Variants in HEXB observed in about 807,000 individuals in gnomAD.
HEXB encodes beta-hexosaminidase subunit beta.
Under a neutral mutation model 71.2 loss-of-function variants are expected in HEXB, and 51 were observed. The ratio of observed to expected loss-of-function variants is 0.72; its 90% CI spans 0.57 to 0.90. The LOEUF is 0.90. Ranked by LOEUF, HEXB falls within the 40% of genes least tolerant of loss-of-function variation. The probability of loss-of-function intolerance (pLI) is 0.00; values close to 1 mark genes in which losing one functional copy is unlikely to be tolerated. For missense variants in HEXB, 617 were observed against 677.0 expected, an observed-to-expected ratio of 0.91 and a Z score of 0.98; for synonymous variants, 266 against 249.3, an observed-to-expected ratio of 1.07 and a Z score of -0.63.
chr5:74,685,058 G>A (rs1748823195), upstream of HEXB: 1 of 555,542 alleles, frequency 1.8e-6, no homozygotes, highest in Non-Finnish European at 3.1e-6. Flanking sequence ...GGGCACCCCT[G>A]GAGGAAATTC....
chr5:74,643,318 C>T (rs1222599006), intron 1 of HEXB, among the ~76,000 whole-genome samples: 1 of 152,222 alleles, frequency 6.6e-6, no homozygotes, highest in Non-Finnish European at 1.5e-5. Flanking sequence ...TCACCCCACT[C>T]ACACAAAGAA....
chr5:74,683,113 T>C (rs1256599914), upstream of HEXB, among the ~76,000 whole-genome samples: 1 of 152,184 alleles, frequency 6.6e-6, no homozygotes, highest in Non-Finnish European at 1.5e-5. Flanking sequence ...TTGGCCTCTC[T>C]GTGTGGTATT....
rs760800468 is a variant in HEXB at position 74,715,641 on chromosome 5, C to A, written c.1033C>A (p.Pro345Thr). 6.2e-7 allele frequency: 1 copy of A among 1,610,166 alleles called. No homozygotes were observed. The highest frequency in any genetic ancestry group is 8.5e-7 in the Non-Finnish European group (1 of 1,176,792). The change falls in exon 8 of 14, where the codon CCA (proline) becomes ACA (threonine). Residue 345 changes from proline to threonine, a missense_variant. Coordinates refer to ENST00000261416, the MANE Select transcript of HEXB (RefSeq NM_000521.4). ...TTTCAAAGAAATTAGTGAGGTGTTT[C>A]CAGATCAATTCATTCATTTGGGAGG... ...TFFKEISEVF[P>T]DQFIHLGGDE...
At chr5:74,666,127 A>G (rs1175951061) in intron 1 of HEXB, among the ~76,000 whole-genome samples, 1 of 152,240 alleles carries the variant, frequency 6.6e-6, no homozygotes, top group African/African-American at 2.4e-5. Flanking sequence ...GTTGAAACTG[A>G]TGATTGAAGC....
chr5:74,708,554 G>A lies in HEXB; in HGVS notation c.771+3234G>A, dbSNP rs951326480. On this transcript the variant is annotated intron_variant, in intron 6 of 13. Transcript: ENST00000261416. The stretch of plus-strand genomic sequence containing the variant: ...TTGGATTCAGGAAACCCATCTCACG[G>A]GCAGAGACACACATAGGCTCGATAT... 2.6e-5 allele frequency among the ~76,000 whole-genome samples: 4 copies of A among 152,012 alleles called. No homozygotes were observed. The East Asian group carries it at 7.7e-4, about 29-fold the overall frequency.
rs1034201280 is a variant in HEXB, at chr5:74,713,356, T to A, written c.772-150T>A. 4.1e-6 allele frequency: 3 copies of A among 732,084 alleles called. No individual in the cohort carries two copies. The African/African-American group carries it at 5.3e-5, about 13-fold the overall frequency. 45.3% of individuals were successfully genotyped at this position (732,084 alleles called of 1,614,324 possible). ...TGAAACTATGGCACTATATTATTTT[T>A]AAATGAGTCATCTAATATCACATGA... On this transcript the variant is annotated intron_variant, in intron 6 of 13. Coordinates refer to ENST00000261416, the MANE Select transcript of HEXB (RefSeq NM_000521.4).
chr5:74,720,716 A>T lies in HEXB; in HGVS notation c.1582A>T (p.Arg528Ter). ...DVRDMDDAYD[R>*]LTRHRCRMVE... ...CAGAGATATGGATGACGCCTATGAC[A>T]GACTGACAAGGCACCGCTGCAGGAT... Residue 528 changes from arginine (R) to a stop codon, truncating the protein, a stop_gained, in exon 13 of 14, where the codon AGA (arginine) becomes TGA (stop). Coordinates refer to ENST00000261416, the MANE Select transcript of HEXB (RefSeq NM_000521.4). LOFTEE classifies it low-confidence loss of function (END_TRUNC). 6.2e-7 allele frequency: 1 copy of T among 1,614,128 alleles called. No individual in the cohort carries two copies. Among genetic ancestry groups the T allele is most frequent in the Non-Finnish European group, 8.5e-7 (1 of 1,179,948 alleles).
chr5:74,695,569 G>A (rs2112139122), intron 3 of HEXB, among the ~76,000 whole-genome samples: 1 of 150,838 alleles, frequency 6.6e-6, no homozygotes, highest in Non-Finnish European at 1.5e-5. Context: ...GGCTGGGCAC[G>A]GTGGCTCACG....
chr5:74,684,364 AG>A (rs1215990213), upstream of HEXB, among the ~76,000 whole-genome samples: 7 of 152,204 alleles, frequency 4.6e-5, no homozygotes, highest in African/African-American at 1.4e-4. Flanking sequence ...CACACAGATG[AG>A]CCAAGATGTT....
upstream of HEXB, among the ~76,000 whole-genome samples, chr5:74,682,392 C>T (rs149994720): frequency 0.01 from 1,531 of 152,156 alleles, 18 homozygotes; most frequent in East Asian, 0.028. Context: ...AAAGAAGATC[C>T]TCCAGCACTA....
At chr5:74,691,845 A>T (rs1425491687) in intron 2 of HEXB, among the ~76,000 whole-genome samples, 1 of 152,238 alleles carries the variant, frequency 6.6e-6, no homozygotes, top group Non-Finnish European at 1.5e-5. Context: ...AAAAAGATAC[A>T]GAATGGGCTA....
At chr5:74,668,449 C>T (rs978872257) in intron 1 of HEXB, among the ~76,000 whole-genome samples, 4 of 152,130 alleles carry the variant, frequency 2.6e-5, no homozygotes, top group African/African-American at 9.7e-5. Flanking sequence ...GCCTGGCCCC[C>T]GTGGCAAGAG....
chr5:74,683,104 T>G (rs1748769476), upstream of HEXB, among the ~76,000 whole-genome samples: 1 of 152,152 alleles, frequency 6.6e-6, no homozygotes, highest in Non-Finnish European at 1.5e-5. Flanking sequence ...AAATTCTTCT[T>G]GGCCTCTCTG....
chr5:74,700,344 A>G (rs958092832), intron 5 of HEXB, among the ~76,000 whole-genome samples: 9 of 151,964 alleles, frequency 5.9e-5, no homozygotes, highest in Admixed American at 5.9e-4. Context: ...GTCGTCTAGA[A>G]TGTGAATACC....
intron 9 of HEXB, 41 bp downstream of exon 9, chr5:74,716,714 G>A: frequency 2.4e-6 from 3 of 1,244,708 alleles, no homozygotes; most frequent in East Asian, 2.3e-5. Flanking sequence ...AATGCTTTTT[G>A]TAAAAGTTTA....
At chr5:74,680,622 T>C (rs564273456), upstream of HEXB, among the ~76,000 whole-genome samples, 24 of 152,310 alleles carry the variant, frequency 1.6e-4, no homozygotes, top group South Asian at 5.0e-3. Context: ...TCAGAAAGTA[T>C]ACTCCTCCCT....
chr5:74,720,700 G>A lies in HEXB; in HGVS notation c.1566G>A (p.Met522Ile). Reference protein sequence around the residue: ...RLWSSKDVRDMDDAYDRLTRH... With the variant: ...RLWSSKDVRDIDDAYDRLTRH... ...GGAGTTCCAAAGATGTCAGAGATATGGATGACGCCTATGACAGACTGACAA... is the reference window on the plus strand; with the variant it reads ...GGAGTTCCAAAGATGTCAGAGATATAGATGACGCCTATGACAGACTGACAA... The change falls in exon 13 of 14, where the codon ATG becomes ATA. Residue 522 changes from methionine to isoleucine, a missense_variant. Transcript: ENST00000261416. 6.2e-7 allele frequency: 1 copy of A among 1,614,168 alleles called. No individual in the cohort carries two copies. The highest frequency in any genetic ancestry group is 8.5e-7 in the Non-Finnish European group (1 of 1,180,008).
chr5:74,708,455 G>A (rs968978729), intron 6 of HEXB, among the ~76,000 whole-genome samples: 9 of 147,824 alleles, frequency 6.1e-5, no homozygotes, highest in Admixed American at 5.4e-4. Context: ...AACTTTAAAT[G>A]TAAATGGACT....
rs820889 is a variant in HEXB, at chr5:74,689,709, T to C, written c.445+236T>C. 0.91 allele frequency: 500,076 copies of C among 550,844 alleles called. 227,288 individuals carry two copies. Among genetic ancestry groups the C allele is most frequent in the Non-Finnish European group, 0.92 (285,333 of 310,174 alleles). The allele number at this position is 550,844 out of a possible 1,614,324, so 34.1% of individuals were successfully genotyped here. On this transcript the variant is annotated intron_variant, in intron 2 of 13. Transcript: ENST00000261416. ...ATAAATCACTCATAATCCCAGCAGA[T>C]AGAATTAATCACTGTCATTTTAGGT... is the stretch of plus-strand genomic sequence containing the variant.
Sources: allele counts gnomAD v4.1 joint callset (sites outside exome capture counted in the v4.1 genomes callset), GRCh38; gene constraint gnomAD v4.1.1; transcripts MANE v1.5; gene names NCBI Gene and HGNC (gene_info 2026-07-23, HGNC 2026-07-21).